The following MCC variants were observed in gnomAD, a reference collection of about 807,000 sequenced individuals.
The protein encoded by MCC is MCC regulator of Wnt signaling pathway.
A neutral mutation model predicts 116.2 loss-of-function variants in MCC; 90 were observed. The ratio of observed to expected loss-of-function variants is 0.77; its 90% confidence interval spans 0.65 to 0.92. MCC has a LOEUF of 0.92. Ranked by LOEUF, MCC falls within the 40% of genes least tolerant of loss-of-function variation. MCC has a pLI of 0.00. For missense variants in MCC, 1,516 were observed against 1,312.2 expected (o/e 1.16, Z -2.40); for synonymous variants, 578 against 510.5 (o/e 1.13, Z -1.78).
rs1308399645 is a variant in MCC at position 113,025,111 on chromosome 5, CAT to C, written c.*2189_*2190del. The C allele has an allele frequency of 7.2e-5, 11 of 152,048 alleles. No homozygotes were observed. Among genetic ancestry groups the C allele is most frequent in the Non-Finnish European group, 1.5e-5 (1 of 68,024 alleles). The allele number at this position is 152,048 out of a possible 1,614,324, so 9.4% of individuals were successfully genotyped here. On this transcript the variant is annotated 3_prime_UTR_variant, in exon 19 of 19. Transcript: ENST00000408903. ...CAGGATTTTATTCCTGCTTCAGCCA[CAT>C]GTTTCTGTGTCAGTGAAAATGAAAA...
chr5:113,354,364 G>GA (rs1405392444), intron 2 of MCC, among the ~76,000 whole-genome samples: 8 of 151,984 alleles, frequency 5.3e-5, no homozygotes, highest in Admixed American at 3.3e-4. Context: ...TGAATTACAA[G>GA]AACAGAGTTT....
chr5:113,185,711 A>G (rs1267430450), intron 3 of MCC, among the ~76,000 whole-genome samples: 1 of 152,230 alleles, frequency 6.6e-6, no homozygotes, highest in Non-Finnish European at 1.5e-5. Context: ...ATCCCCAGGC[A>G]TGTGAAAAAT....
At chr5:113,347,862 C>T (rs1768172505) in intron 2 of MCC, among the ~76,000 whole-genome samples, 1 of 152,000 alleles carries the variant, frequency 6.6e-6, no homozygotes, top group African/African-American at 2.4e-5. Flanking sequence ...TAAAGATACA[C>T]ACAGACTGAA....
At chr5:113,451,487 C>T (rs1771393970) in intron 1 of MCC, among the ~76,000 whole-genome samples, 1 of 151,050 alleles carries the variant, frequency 6.6e-6, no homozygotes, top group Admixed American at 6.6e-5. Context: ...GTAATCCCAG[C>T]ACTTTGGGAG....
intron 1 of MCC, among the ~76,000 whole-genome samples, chr5:113,467,019 T>G (rs201865549): frequency 6.6e-6 from 1 of 151,608 alleles, no homozygotes; most frequent in Non-Finnish European, 1.5e-5. Flanking sequence ...TTGCCCACTT[T>G]TTGATGGGGT....
At chr5:113,303,523 C>T (rs1482880960) in intron 3 of MCC, among the ~76,000 whole-genome samples, 1 of 152,108 alleles carries the variant, frequency 6.6e-6, no homozygotes, top group Non-Finnish European at 1.5e-5. Context: ...AGAAAGCTGA[C>T]AATGAAGAAG....
chr5:113,471,370 T>G (rs1406222294), intron 1 of MCC, among the ~76,000 whole-genome samples: 1 of 152,196 alleles, frequency 6.6e-6, no homozygotes, highest in Non-Finnish European at 1.5e-5. Flanking sequence ...ATGTCCTGTT[T>G]GTTAGTTTTC....
At chr5:113,309,703 T>C (rs1355220776) in intron 3 of MCC, among the ~76,000 whole-genome samples, 1 of 152,238 alleles carries the variant, frequency 6.6e-6, no homozygotes, top group Non-Finnish European at 1.5e-5. Context: ...AATGCAGGTG[T>C]CTTATTTATA....
intron 3 of MCC, among the ~76,000 whole-genome samples, chr5:113,202,787 T>TTA (rs1762740951): frequency 1.4e-5 from 2 of 139,878 alleles, no homozygotes; most frequent in African/African-American, 5.3e-5. Context: ...GCCCTTTATT[T>TTA]AAAAAAAAAA....
chr5:113,158,104 C>G (rs1760276099), intron 3 of MCC, among the ~76,000 whole-genome samples: 1 of 152,208 alleles, frequency 6.6e-6, no homozygotes, highest in Non-Finnish European at 1.5e-5. Context: ...CTACTCAAAA[C>G]AGCTTGCAAT....
Position 113,104,296 on chromosome 5 carries a change from C to T in MCC, c.1087G>A (p.Val363Ile), listed in dbSNP as rs147444095. The T allele has an allele frequency of 3.4e-4, 548 of 1,613,916 alleles. No homozygotes were observed. The highest frequency in any genetic ancestry group is 4.5e-4 in the Non-Finnish European group (535 of 1,180,040). The part of the protein sequence containing the change: ...QRVLTGLENV[V>I]CGRKKSSCSL... ...CAGCTGCTCTTCTTCCTGCCGCAGA[C>T]AACATTCTCCAGCCCTGTCAGCACC... The change falls in exon 7 of 19, where the codon GTC (valine) becomes ATC (isoleucine). Residue 363 changes from valine (V) to isoleucine (I), a missense_variant. By Grantham distance (29) the Val-to-Ile change is conservative (BLOSUM62 3). Transcript: ENST00000408903.
At chr5:113,160,215 A>G (rs1278378703) in intron 3 of MCC, among the ~76,000 whole-genome samples, 2 of 152,198 alleles carry the variant, frequency 1.3e-5, no homozygotes, top group Non-Finnish European at 2.9e-5. Context: ...ACCCACTTAA[A>G]GCCACACCTC....
intron 1 of MCC, among the ~76,000 whole-genome samples, chr5:113,420,124 T>G (rs1770285740): frequency 2.7e-5 from 4 of 150,872 alleles, no homozygotes; most frequent in Admixed American, 2.6e-4. Context: ...ATTCATTCAT[T>G]GTGCCAAAGT....
chr5:113,379,363 C>T (rs556805931), intron 2 of MCC, among the ~76,000 whole-genome samples: 6 of 152,250 alleles, frequency 3.9e-5, no homozygotes, highest in East Asian at 3.9e-4. Flanking sequence ...GATAACAACA[C>T]GATTATATAC....
intron 17 of MCC, among the ~76,000 whole-genome samples, chr5:113,042,710 G>C (rs1751801810): frequency 6.6e-6 from 1 of 151,910 alleles, no homozygotes; most frequent in Admixed American, 6.6e-5. Context: ...TGGCTCTTGA[G>C]AACTTGAAAT....
chr5:113,409,577 C>T (rs1458161392), intron 1 of MCC, among the ~76,000 whole-genome samples: 20 of 152,136 alleles, frequency 1.3e-4, no homozygotes, highest in Admixed American at 1.3e-3. Flanking sequence ...CTCTTGAACT[C>T]CTGAGCTCAA....
At chr5:113,332,547 G>C (rs1426937677) in intron 3 of MCC, among the ~76,000 whole-genome samples, 3 of 106,724 alleles carry the variant, frequency 2.8e-5, no homozygotes, top group Non-Finnish European at 5.2e-5. Flanking sequence ...ATGGGTGACA[G>C]AATGAGAACC....
chr5:113,294,637 A>AGCGGCG, intron 3 of MCC: 1 of 1,123,996 alleles, frequency 8.9e-7, no homozygotes, highest in Non-Finnish European at 1.1e-6. Flanking sequence ...CAGCTGCGGC[A>AGCGGCG]GCGGCGGAGC....
At chr5:113,322,167 T>C (rs1007709333) in intron 3 of MCC, among the ~76,000 whole-genome samples, 2 of 152,186 alleles carry the variant, frequency 1.3e-5, no homozygotes, top group Non-Finnish European at 2.9e-5. Context: ...CAAGGTGGTG[T>C]GGATGCTACT....
Sources: gnomAD v4.1 joint callset for allele counts (sites outside exome capture counted in the v4.1 genomes callset) on GRCh38, gnomAD v4.1.1 for gene constraint, MANE v1.5 for transcripts, NCBI Gene and HGNC (gene_info 2026-07-23, HGNC 2026-07-21) for gene names.